TSPAN5: variants seen among roughly 807,000 people sequenced by gnomAD.
TSPAN5 encodes the protein tetraspanin-5.
TSPAN5 carries 10 observed loss-of-function variants against 37.1 expected under a neutral mutation model. The ratio of observed to expected loss-of-function variants is 0.27; its 90% CI spans 0.17 to 0.46. The LOEUF (loss-of-function observed/expected upper bound fraction) is 0.46. Ranked by LOEUF, TSPAN5 falls within the 20% of genes least tolerant of loss-of-function variation. The probability of loss-of-function intolerance (pLI) is 1.00; values close to 1 mark genes in which losing one functional copy is unlikely to be tolerated. For synonymous variants in TSPAN5, 110 were observed against 118.9 expected (o/e 0.93, Z 0.48); for missense variants, 195 against 326.6 (o/e 0.60, Z 3.11).
intron 1 of TSPAN5, among the ~76,000 whole-genome samples, chr4:98,600,098 T>C (rs1349839478): frequency 6.6e-6 from 1 of 152,218 alleles, no homozygotes; most frequent in Non-Finnish European, 1.5e-5. Flanking sequence ...ATACTGCATC[T>C]AGTAAGTGTG....
intron 1 of TSPAN5, among the ~76,000 whole-genome samples, chr4:98,532,062 A>C (rs1433133536): frequency 6.6e-6 from 1 of 152,148 alleles, no homozygotes; most frequent in Non-Finnish European, 1.5e-5. Context: ...CTTTAGTTTA[A>C]TTAGATCCCA....
At chr4:98,544,038 A>G (rs1273206913) in intron 1 of TSPAN5, among the ~76,000 whole-genome samples, 1 of 151,936 alleles carries the variant, frequency 6.6e-6, no homozygotes, top group Non-Finnish European at 1.5e-5. Flanking sequence ...AAATTAGCCA[A>G]GTGTGGTAGT....
chr4:98,477,197 C>T (rs1424280091), intron 5 of TSPAN5, among the ~76,000 whole-genome samples: 3 of 152,238 alleles, frequency 2.0e-5, no homozygotes, highest in South Asian at 2.1e-4. Context: ...GTGCGGCACC[C>T]GCTGGCCAGT....
chr4:98,568,562 AAAAAG>A (rs1755056962), intron 1 of TSPAN5, among the ~76,000 whole-genome samples: 1 of 151,988 alleles, frequency 6.6e-6, no homozygotes, highest in African/African-American at 2.4e-5. Context: ...CCACCACAAA[AAAAAG>A]AAAAGAAGTC....
intron 1 of TSPAN5, among the ~76,000 whole-genome samples, chr4:98,640,129 CA>C (rs752382788): frequency 0.011 from 1,610 of 143,496 alleles, 33 homozygotes; most frequent in African/African-American, 0.038. Context: ...TCGTTTGCAA[CA>C]AAAAAAAAAC....
At chr4:98,543,188 T>C (rs564757014) in intron 1 of TSPAN5, among the ~76,000 whole-genome samples, 68 of 152,322 alleles carry the variant, frequency 4.5e-4, no homozygotes, top group African/African-American at 1.6e-3. Flanking sequence ...TCATTTTCAT[T>C]GACTCTTTGA....
At chr4:98,581,798 A>T (rs1348290261) in intron 1 of TSPAN5, among the ~76,000 whole-genome samples, 1 of 152,218 alleles carries the variant, frequency 6.6e-6, no homozygotes, top group Non-Finnish European at 1.5e-5. Context: ...ATTTGCTTAT[A>T]GATGTAATTT....
chr4:98,595,837 A>G (rs1755749934), intron 1 of TSPAN5, among the ~76,000 whole-genome samples: 1 of 22,456 alleles, frequency 4.5e-5, no homozygotes, highest in Non-Finnish European at 7.1e-5. Flanking sequence ...ACATTTGCTG[A>G]GGAGAGCTTT....
At chr4:98,490,978 C>T (rs180720534) in intron 2 of TSPAN5, among the ~76,000 whole-genome samples, 3 of 151,902 alleles carry the variant, frequency 2.0e-5, no homozygotes, top group African/African-American at 7.3e-5. Flanking sequence ...AGAAGAATGG[C>T]GTGAACCCGG....
At chr4:98,515,074 G>A (rs1357302089) in intron 1 of TSPAN5, among the ~76,000 whole-genome samples, 1 of 152,166 alleles carries the variant, frequency 6.6e-6, no homozygotes, top group Non-Finnish European at 1.5e-5. Flanking sequence ...AGGAGTGAAT[G>A]GCAGGTGTCG....
intron 1 of TSPAN5, among the ~76,000 whole-genome samples, chr4:98,521,120 CAG>C (rs904222079): frequency 1.3e-5 from 2 of 152,196 alleles, no homozygotes; most frequent in African/African-American, 4.8e-5. Flanking sequence ...TTAGTAGAGA[CAG>C]GGTTTCACCA....
chr4:98,646,767 T>C (rs114026228), intron 1 of TSPAN5, among the ~76,000 whole-genome samples: 2,433 of 152,150 alleles, frequency 0.016, 66 homozygotes, highest in Middle Eastern at 0.12. Flanking sequence ...AAAAAATATA[T>C]GTTACAATGT....
At position 98,651,864 on chromosome 4, in the gene TSPAN5, C is replaced by CT. The variant is rs552597633; in HGVS notation, c.81+6281dup. Among the ~76,000 whole-genome samples, 464 of 95,246 alleles carry CT rather than the reference C, an allele frequency of 4.9e-3. 18 individuals carry two copies. Among genetic ancestry groups the CT allele is most frequent in the East Asian group, 0.018 (60 of 3,420 alleles). The allele number at this position is 95,246 out of a possible 152,430, so 62.5% of individuals were successfully genotyped here. A position where few individuals can be genotyped will look rare whatever the true frequency, so the allele number is the denominator to read the frequency against. On this transcript the variant is annotated intron_variant, in intron 1 of 7. Coordinates refer to ENST00000305798, the MANE Select transcript of TSPAN5 (RefSeq NM_005723.4). ...TTTTGTAATTCTTTCCTTCAACATA[C>CT]TTTTTTTTTTTTTTTTTTTTTTTTT...
chr4:98,621,005 G>A (rs1239294276), intron 1 of TSPAN5, among the ~76,000 whole-genome samples: 1 of 152,172 alleles, frequency 6.6e-6, no homozygotes, highest in Non-Finnish European at 1.5e-5. Context: ...AATCATTGCA[G>A]GTATACTTAA....
chr4:98,488,198 C>T (rs1350757094), intron 2 of TSPAN5, among the ~76,000 whole-genome samples: 1 of 152,186 alleles, frequency 6.6e-6, no homozygotes, highest in African/African-American at 2.4e-5. Context: ...TACACAATGT[C>T]TATTTCAGTA....
chr4:98,542,007 A>T (rs1175870966), intron 1 of TSPAN5, among the ~76,000 whole-genome samples: 3 of 152,224 alleles, frequency 2.0e-5, no homozygotes, highest in Non-Finnish European at 2.9e-5. Flanking sequence ...TTCGCAAAAC[A>T]TATTGTCTAA....
intron 1 of TSPAN5, among the ~76,000 whole-genome samples, chr4:98,601,525 C>T (rs183851392): frequency 8.5e-5 from 13 of 152,324 alleles, no homozygotes; most frequent in Admixed American, 1.3e-4. Flanking sequence ...GGCTAGACTC[C>T]GGCTTTTCTT....
At chr4:98,596,650 A>C (rs1755759582) in intron 1 of TSPAN5, among the ~76,000 whole-genome samples, 1 of 73,776 alleles carries the variant, frequency 1.4e-5, no homozygotes, top group African/African-American at 7.9e-5. Flanking sequence ...AAAATCTCTC[A>C]GCATTTGCTT....
chr4:98,620,611 T>C (rs1219506676), intron 1 of TSPAN5, among the ~76,000 whole-genome samples: 1 of 152,172 alleles, frequency 6.6e-6, no homozygotes. Flanking sequence ...CAGGAAGTCA[T>C]GCGAGCGCTC....
Sources: allele counts gnomAD v4.1 joint callset (sites outside exome capture counted in the v4.1 genomes callset), GRCh38; gene constraint gnomAD v4.1.1; transcripts MANE v1.5; gene names NCBI Gene and HGNC (gene_info 2026-07-23, HGNC 2026-07-21).